JAK1: variants seen among roughly 807,000 people sequenced by gnomAD.
JAK1 encodes Janus kinase 1, also known as tyrosine-protein kinase JAK1.
A neutral mutation model predicts 136.6 loss-of-function variants in JAK1; 16 were observed. The ratio of observed to expected loss-of-function variants is 0.12; its 90% confidence interval spans 0.08 to 0.18. JAK1 has a LOEUF of 0.18. Ranked by LOEUF, JAK1 falls within the 10% of genes least tolerant of loss-of-function variation. The pLI, the probability that JAK1 is intolerant of heterozygous loss-of-function variation, is 1.00. For synonymous variants in JAK1, 492 were observed against 519.5 expected (o/e 0.95, Z 0.72); for missense variants, 859 against 1,450.1 (o/e 0.59, Z 6.62).
intron 2 of JAK1, chr1:64,972,643 G>T (rs1432987748): frequency 6.6e-6 from 1 of 152,144 alleles, no homozygotes; most frequent in African/African-American, 2.4e-5. Flanking sequence ...ACAAAAATTA[G>T]CCAGGTGTGG....
intron 3 of JAK1, among the ~76,000 whole-genome samples, chr1:64,880,373 TC>T (rs1472574718): frequency 6.6e-6 from 1 of 152,228 alleles, no homozygotes; most frequent in Non-Finnish European, 1.5e-5. Flanking sequence ...GACAAATAAT[TC>T]AAATATGCTA....
intron 1 of JAK1, among the ~76,000 whole-genome samples, chr1:65,052,444 G>A (rs932043204): frequency 2.6e-5 from 4 of 151,962 alleles, no homozygotes; most frequent in Admixed American, 6.6e-5. Context: ...TTGGGAGGCC[G>A]AGGCAGGTGG....
At chr1:64,902,551 TGA>T (rs142393341) in intron 1 of JAK1, among the ~76,000 whole-genome samples, 33 of 102,424 alleles carry the variant, frequency 3.2e-4, no homozygotes, top group African/African-American at 1.3e-3. Context: ...CATGAATTTG[TGA>T]GAGAGAGAGA....
intron 2 of JAK1, among the ~76,000 whole-genome samples, chr1:65,029,928 A>G (rs537703691): frequency 6.6e-6 from 1 of 152,098 alleles, no homozygotes; most frequent in African/African-American, 2.4e-5. Context: ...AAACTTGCAC[A>G]TGTACTTCTG....
At chr1:65,061,958 AGAG>A (rs754585135) in intron 1 of JAK1, among the ~76,000 whole-genome samples, 3 of 152,212 alleles carry the variant, frequency 2.0e-5, no homozygotes, top group Non-Finnish European at 2.9e-5. Flanking sequence ...GAGAGTGATT[AGAG>A]AAGAGGTGTC....
At chr1:64,922,697 C>T (rs1055600979) in intron 1 of JAK1, among the ~76,000 whole-genome samples, 2 of 152,114 alleles carry the variant, frequency 1.3e-5, no homozygotes, top group Admixed American at 6.5e-5. Context: ...CTCCAAGTCT[C>T]GGCCAAATGA....
In JAK1 at chr1:64,883,298, T is replaced by C. The variant is rs202021264; in HGVS notation, c.184A>G (p.Ile62Val). The change falls in exon 3 of 25, where the codon ATC becomes GTC. Residue 62 changes from isoleucine (I) to valine (V), a missense_variant. By Grantham distance (29) the Ile-to-Val change is conservative. Coordinates refer to ENST00000342505, the MANE Select transcript of JAK1 (RefSeq NM_002227.4). ...SGEYTAEELC[I>V]RAAQACRISP... ...TCACGGCATGCCTGTGCAGCCCTGA[T>C]GCACAGTTCCTCTGCTGTGTACTCT... is the stretch of plus-strand genomic sequence containing the variant. 4.8e-4 allele frequency: 780 copies of C among 1,614,016 alleles called. 2 individuals carry two copies. The highest frequency in any genetic ancestry group is 1.8e-3 in the Middle Eastern group (11 of 6,058).
intron 10 of JAK1, 43 bp downstream of exon 10, chr1:64,857,613 C>T (rs1164243117): frequency 2.5e-6 from 4 of 1,611,542 alleles, no homozygotes; most frequent in African/African-American, 2.7e-5. Context: ...CACTGGACAC[C>T]TCATGGCTGT....
chr1:64,874,667 C>T (rs962165938), intron 4 of JAK1, among the ~76,000 whole-genome samples: 7 of 152,186 alleles, frequency 4.6e-5, no homozygotes, highest in African/African-American at 1.7e-4. Flanking sequence ...CTGTAGGCTA[C>T]AGACTCAGCT....
At chr1:64,928,803 A>AC (rs1645637176) in intron 1 of JAK1, among the ~76,000 whole-genome samples, 1 of 150,238 alleles carries the variant, frequency 6.7e-6, no homozygotes, top group South Asian at 2.1e-4. Flanking sequence ...AAAACAAAAA[A>AC]AAAAAACTCT....
chr1:64,846,985 G>A (rs1205984569), intron 13 of JAK1: 1 of 529,536 alleles, frequency 1.9e-6, no homozygotes, highest in African/African-American at 1.9e-5. Context: ...GCTGGTGGGA[G>A]AAGCTGGCTA....
At chr1:64,927,443 G>A (rs750655291) in intron 1 of JAK1, among the ~76,000 whole-genome samples, 2 of 152,142 alleles carry the variant, frequency 1.3e-5, no homozygotes, top group Non-Finnish European at 1.5e-5. Flanking sequence ...GCAAATGAAC[G>A]AATAAATGAG....
chr1:64,920,399 G>A (rs942703605), intron 1 of JAK1, among the ~76,000 whole-genome samples: 1 of 152,066 alleles, frequency 6.6e-6, no homozygotes, highest in Non-Finnish European at 1.5e-5. Flanking sequence ...AATTAGCTGG[G>A]TGTGGTGGCA....
At chr1:64,875,338 C>G (rs749909826) in intron 4 of JAK1, among the ~76,000 whole-genome samples, 7 of 152,230 alleles carry the variant, frequency 4.6e-5, no homozygotes, top group Admixed American at 3.9e-4. Flanking sequence ...GAGGCACGCT[C>G]TCCTGGGAGG....
chr1:65,042,900 A>G (rs550712826), intron 2 of JAK1, among the ~76,000 whole-genome samples: 2 of 152,346 alleles, frequency 1.3e-5, no homozygotes, highest in East Asian at 1.9e-4. Flanking sequence ...ACTGATGGCC[A>G]GAGAGAGAAG....
At chr1:64,985,130 G>A in intron 2 of JAK1, 2 of 1,182,058 alleles carry the variant, frequency 1.7e-6, no homozygotes, top group East Asian at 2.3e-5. Context: ...CTAGAAATAG[G>A]GAAACTATAG....
intron 1 of JAK1, among the ~76,000 whole-genome samples, chr1:64,886,776 AC>A (rs1557664874): frequency 2.7e-5 from 4 of 147,662 alleles, no homozygotes; most frequent in African/African-American, 1.0e-4. Context: ...ACACACACAC[AC>A]ACACACACAC....
At chr1:64,923,794 T>C (rs150040102) in intron 1 of JAK1, among the ~76,000 whole-genome samples, 289 of 152,270 alleles carry the variant, frequency 1.9e-3, no homozygotes, top group African/African-American at 6.7e-3. Flanking sequence ...ACTGATATGG[T>C]TCCAGTGCAT....
chr1:64,893,084 T>C (rs1361638787), intron 1 of JAK1, among the ~76,000 whole-genome samples: 6 of 151,856 alleles, frequency 4.0e-5, no homozygotes, highest in African/African-American at 1.5e-4. Context: ...GAATCTGCTC[T>C]CAGTTTTCAG....
Sources: allele counts gnomAD v4.1 joint callset (sites outside exome capture counted in the v4.1 genomes callset), GRCh38; gene constraint gnomAD v4.1.1; transcripts MANE v1.5; gene names NCBI Gene and HGNC (gene_info 2026-07-23, HGNC 2026-07-21).